The following TENM2 variants were observed in gnomAD, a reference collection of about 807,000 sequenced individuals.
The protein encoded by TENM2 is teneurin transmembrane protein 2.
In TENM2, 52 loss-of-function variants were observed where a neutral mutation model predicts 245.2. The ratio of observed to expected loss-of-function variants is 0.21; its 90% CI spans 0.17 to 0.27. The LOEUF is 0.27. TENM2 is among the 10% of genes least tolerant of loss of function. The pLI is 1.00. For missense variants in TENM2, 3,046 were observed against 3,666.8 expected, an observed-to-expected ratio of 0.83 and a Z score of 4.37; for synonymous variants, 1,363 against 1,438.9, an observed-to-expected ratio of 0.95 and a Z score of 1.19.
intron 9 of TENM2, among the ~76,000 whole-genome samples, chr5:168,103,439 C>T (rs188479527): frequency 4.6e-5 from 7 of 152,246 alleles, no homozygotes; most frequent in Admixed American, 2.0e-4. Flanking sequence ...TGCATTTAAT[C>T]GTCACGCCCC....
chr5:167,146,975 C>T, the TENM2 span, among the ~76,000 whole-genome samples: 2 of 152,060 alleles, frequency 1.3e-5, no homozygotes, highest in South Asian at 4.2e-4. Flanking sequence ...GGAACACATT[C>T]GCAGTGATAG....
At chr5:167,105,397 G>T in the TENM2 span, among the ~76,000 whole-genome samples, 1 of 152,098 alleles carries the variant, frequency 6.6e-6, no homozygotes, top group Admixed American at 6.5e-5. Context: ...CTGTGAATTG[G>T]TCCTTTGTCC....
the TENM2 span, among the ~76,000 whole-genome samples, chr5:167,164,639 G>GT: frequency 2.0e-5 from 3 of 152,224 alleles, no homozygotes; most frequent in Middle Eastern, 3.4e-3. Flanking sequence ...TGCCCTTACT[G>GT]TTTGATAAAT....
At chr5:167,264,745 AT>A in the TENM2 span, among the ~76,000 whole-genome samples, 1 of 151,934 alleles carries the variant, frequency 6.6e-6, no homozygotes, top group Non-Finnish European at 1.5e-5. Flanking sequence ...CAGGCCATGT[AT>A]TTTTTTTCTA....
intron 2 of TENM2, among the ~76,000 whole-genome samples, chr5:167,613,407 C>T (rs928145185): frequency 1.8e-4 from 27 of 152,228 alleles, no homozygotes; most frequent in African/African-American, 5.3e-4. Context: ...CAGTATCTTG[C>T]TCGTTTACCA....
At chr5:167,870,609 G>GTA (rs202061524) in intron 2 of TENM2, among the ~76,000 whole-genome samples, 8 of 142,522 alleles carry the variant, frequency 5.6e-5, no homozygotes, top group African/African-American at 1.9e-4. Context: ...GTGTATATAT[G>GTA]TATATATATG....
chr5:167,147,475 G>A, the TENM2 span, among the ~76,000 whole-genome samples: 1 of 152,052 alleles, frequency 6.6e-6, no homozygotes, highest in Non-Finnish European at 1.5e-5. Context: ...AGCAGTAGCA[G>A]CTCAGTGCAT....
At chr5:168,133,880 C>T (rs772506686) in intron 12 of TENM2, among the ~76,000 whole-genome samples, 14 of 152,288 alleles carry the variant, frequency 9.2e-5, no homozygotes, top group South Asian at 2.1e-4. Flanking sequence ...TGTGGCAAGA[C>T]GTGGTGGCTC....
intron 3 of TENM2, among the ~76,000 whole-genome samples, chr5:167,901,281 CTCAA>C (rs1348507453): frequency 6.6e-6 from 1 of 152,002 alleles, no homozygotes; most frequent in Non-Finnish European, 1.5e-5. Context: ...ATGGTAGATA[CTCAA>C]TAAATGTTGA....
At chr5:167,780,520 A>T (rs1364266284) in intron 2 of TENM2, among the ~76,000 whole-genome samples, 1 of 152,098 alleles carries the variant, frequency 6.6e-6, no homozygotes, top group Non-Finnish European at 1.5e-5. Context: ...ATGGCCCCTG[A>T]GCATATTGCT....
the TENM2 span, among the ~76,000 whole-genome samples, chr5:167,153,842 T>C: frequency 6.6e-6 from 1 of 152,178 alleles, no homozygotes; most frequent in Non-Finnish European, 1.5e-5. Flanking sequence ...TCACAATTAA[T>C]GTAATTATCA....
At chr5:167,529,179 A>AT (rs951371287) in intron 2 of TENM2, among the ~76,000 whole-genome samples, 12 of 150,984 alleles carry the variant, frequency 7.9e-5, no homozygotes, top group Admixed American at 1.3e-4. Context: ...AGTGAAGTGT[A>AT]TTTTTTTTTC....
At chr5:167,555,986 C>T (rs1210050504) in intron 2 of TENM2, among the ~76,000 whole-genome samples, 1 of 151,988 alleles carries the variant, frequency 6.6e-6, no homozygotes, top group Non-Finnish European at 1.5e-5. Context: ...GTTTGGGGAA[C>T]CCCTAATGGT....
At chr5:167,502,373 T>C (rs532432886) in intron 2 of TENM2, among the ~76,000 whole-genome samples, 7 of 152,330 alleles carry the variant, frequency 4.6e-5, no homozygotes, top group African/African-American at 1.7e-4. Context: ...AACAATTTAA[T>C]GAAAGAGAAA....
rs1161106142 is a variant in TENM2 at position 167,508,348 on chromosome 5, T to A, written c.502+132875T>A. 7.2e-5 allele frequency among the ~76,000 whole-genome samples: 11 copies of A among 152,100 alleles called. No homozygotes were observed. The South Asian group carries it at 2.3e-3, about 32-fold the overall frequency. ...AAGCACAAAGAAAGGACAGTAGGGG[T>A]GGTGATTTTAATTATCTATGTAAAT... On this transcript the variant is annotated intron_variant, in intron 2 of 28. Coordinates refer to ENST00000518659, the Ensembl canonical transcript of TENM2.
chr5:167,064,991 G>A, the TENM2 span, among the ~76,000 whole-genome samples: 1 of 152,180 alleles, frequency 6.6e-6, no homozygotes, highest in African/African-American at 2.4e-5. Context: ...TTAGACAGTG[G>A]TTATATTTAC....
chr5:167,933,552 AATT>A (rs1778449826), intron 3 of TENM2, among the ~76,000 whole-genome samples: 1 of 152,212 alleles, frequency 6.6e-6, no homozygotes, highest in East Asian at 1.9e-4. Context: ...TCCAATTTGG[AATT>A]ATTATATCCA....
intron 2 of TENM2, among the ~76,000 whole-genome samples, chr5:167,402,753 A>C (rs80087552): frequency 6.6e-6 from 1 of 152,072 alleles, no homozygotes; most frequent in African/African-American, 2.4e-5. Context: ...TTATTCTCCT[A>C]TAGAAGGGAT....
intron 10 of TENM2, among the ~76,000 whole-genome samples, chr5:168,121,821 T>C (rs1380719042): frequency 6.6e-6 from 1 of 152,148 alleles, no homozygotes; most frequent in African/African-American, 2.4e-5. Context: ...CCACAAGATA[T>C]TTTTGTGTAT....
Sources: gnomAD v4.1 joint callset for allele counts (sites outside exome capture counted in the v4.1 genomes callset) on GRCh38, gnomAD v4.1.1 for gene constraint, MANE v1.5 for transcripts, NCBI Gene and HGNC (gene_info 2026-07-23, HGNC 2026-07-21) for gene names.